ULK2: variants seen among roughly 807,000 people sequenced by gnomAD.
ULK2 encodes the protein serine/threonine-protein kinase ULK2.
Under a neutral mutation model 127.5 loss-of-function variants are expected in ULK2, and 76 were observed. That is an observed-to-expected ratio of 0.60 (90% confidence interval 0.50 to 0.72). The LOEUF (loss-of-function observed/expected upper bound fraction) is 0.72, where lower values mean the gene tolerates loss of function less well. Ranked by LOEUF, ULK2 falls within the 30% of genes least tolerant of loss-of-function variation. The probability of loss-of-function intolerance (pLI) is 0.00; values close to 1 mark genes in which losing one functional copy is unlikely to be tolerated. For synonymous variants in ULK2, 452 were observed against 461.9 expected, an observed-to-expected ratio of 0.98 and a Z score of 0.28; for missense variants, 1,144 against 1,295.9, an observed-to-expected ratio of 0.88 and a Z score of 1.80.
chr17:19,800,940 GT>G, intron 16 of ULK2, among the ~76,000 whole-genome samples: 1 of 152,212 alleles, frequency 6.6e-6, no homozygotes, highest in South Asian at 2.1e-4. Context: ...TACATGGTTT[GT>G]TTTTCCTTTT....
chr17:19,783,887 C>A lies in ULK2; in HGVS notation c.2270G>T (p.Gly757Val). 1.3e-6 allele frequency: 2 copies of A among 1,527,796 alleles called. No homozygotes were observed. The allele number at this position is 1,527,796 out of a possible 1,614,324, so 94.6% of individuals were successfully genotyped here. A position where few individuals can be genotyped will look rare whatever the true frequency, so the allele number is the denominator to read the frequency against. ...RTTSVGPSNS[G>V]GSLCAMSGRV... ...GCCACTCATGGCACAAAGAGAGCCC[C>A]CGGAGTTGCTGGGCCCCACTACAAG... Residue 757 changes from glycine to valine, a missense_variant, in exon 22 of 27, where the codon GGG (glycine) becomes GTG (valine). Transcript: ENST00000395544.
Position 19,776,322 on chromosome 17 carries a change from C to G in ULK2, c.*27G>C. 1 of 1,584,606 alleles carries G rather than the reference C, an allele frequency of 6.3e-7. No individual in the cohort carries two copies. Among genetic ancestry groups the G allele is most frequent in the Non-Finnish European group, 8.6e-7 (1 of 1,166,760 alleles). ...CAAAGGCATCACCTCACGTTCCCACCACCGGTCCACGGGATGAGCCTGCTG... is the reference window on the plus strand; with the variant it reads ...CAAAGGCATCACCTCACGTTCCCACGACCGGTCCACGGGATGAGCCTGCTG... On this transcript the variant is annotated 3_prime_UTR_variant, in exon 27 of 27. Coordinates refer to ENST00000395544, the MANE Select transcript of ULK2 (RefSeq NM_014683.4).
Position 19,771,496 on chromosome 17 carries a change from C to T in ULK2, c.*4853G>A, listed in dbSNP as rs557308255. On this transcript the variant is annotated 3_prime_UTR_variant, in exon 27 of 27. Transcript: ENST00000395544. Reference sequence around the variant, plus strand: ...AGCCCTGAAGACAGGCCTTGCCCCACACAAACACAGAACAAATTGTTCTCC... The same window carrying T: ...AGCCCTGAAGACAGGCCTTGCCCCATACAAACACAGAACAAATTGTTCTCC... 1 of 152,474 alleles carries T rather than the reference C, an allele frequency of 6.6e-6. No homozygotes were observed. Among genetic ancestry groups the T allele is most frequent in the African/African-American group, 2.4e-5 (1 of 41,574 alleles). 9.4% of individuals were successfully genotyped at this position (152,474 alleles called of 1,614,324 possible). A position where few individuals can be genotyped will look rare whatever the true frequency, so the allele number is the denominator to read the frequency against.
At position 19,816,864 on chromosome 17, in the gene ULK2, A is replaced by G. The variant is rs749358322; in HGVS notation, c.981T>C (p.Gly327=). ...TGGAAACTTGTAGATAGTTGGGAGG[A>G]CCCAATGGTGGGGAAGATAAGTTTT... is the stretch of plus-strand genomic sequence containing the variant. ...QEENLSSPPL[G]PPNYLQVSKD... is the part of the protein sequence containing the mutation. The change falls in exon 13 of 27, where the codon GGT becomes GGC. Residue 327 remains glycine (G), a synonymous_variant. Transcript: ENST00000395544. 3.1e-6 allele frequency: 5 copies of G among 1,611,896 alleles called. No homozygotes were observed. Among genetic ancestry groups the G allele is most frequent in the Non-Finnish European group, 4.2e-6 (5 of 1,179,418 alleles).
chr17:19,863,929 GTGA>G (rs2042298219), intron 3 of ULK2, among the ~76,000 whole-genome samples: 1 of 152,062 alleles, frequency 6.6e-6, no homozygotes, highest in Admixed American at 6.6e-5. Flanking sequence ...ATATAACTGG[GTGA>G]TGAACATGCA....
At chr17:19,810,494 C>T in intron 13 of ULK2, 56 bp from the exon 14 acceptor site, 1 of 1,123,420 alleles carries the variant, frequency 8.9e-7, no homozygotes, top group Admixed American at 2.3e-5. Flanking sequence ...TAAAAAAACA[C>T]AAATTTGTTC....
intron 8 of ULK2, among the ~76,000 whole-genome samples, chr17:19,841,919 G>A (rs906428863): frequency 2.6e-5 from 4 of 152,092 alleles, no homozygotes; most frequent in Non-Finnish European, 5.9e-5. Context: ...AGAGGAGCCT[G>A]AAACTTAGAA....
At chr17:19,788,895 C>A (rs1036473016) in intron 20 of ULK2, among the ~76,000 whole-genome samples, 1 of 152,160 alleles carries the variant, frequency 6.6e-6, no homozygotes, top group Non-Finnish European at 1.5e-5. Flanking sequence ...CTTTGTCTTG[C>A]GGTTTGAGTG....
chr17:19,811,792 T>C (rs2087647398), intron 13 of ULK2, among the ~76,000 whole-genome samples: 1 of 152,170 alleles, frequency 6.6e-6, no homozygotes, highest in South Asian at 2.1e-4. Context: ...CCAATGGGAT[T>C]ATCCTAAGGA....
intron 10 of ULK2, among the ~76,000 whole-genome samples, chr17:19,829,241 G>C (rs1258802762): frequency 6.6e-6 from 1 of 152,092 alleles, no homozygotes; most frequent in East Asian, 1.9e-4. Context: ...AAGACAAAAA[G>C]TACGTTAAAT....
In ULK2 at chr17:19,860,527, T is replaced by C. The variant is rs1358638053; in HGVS notation, c.225+4276A>G. On this transcript the variant is annotated intron_variant, in intron 3 of 26. Coordinates refer to ENST00000395544, the MANE Select transcript of ULK2 (RefSeq NM_014683.4). ...TTAAGACATTTGATTAATACCTCTT[T>C]TTTTTTTTTTTTTTGAGACGGAGTT... 4.0e-5 allele frequency among the ~76,000 whole-genome samples: 6 copies of C among 150,704 alleles called. No individual in the cohort carries two copies. In the South Asian group the frequency reaches 1.0e-3, roughly 26 times the overall value.
At chr17:19,827,466 G>A (rs2041322909) in intron 10 of ULK2, among the ~76,000 whole-genome samples, 1 of 152,234 alleles carries the variant, frequency 6.6e-6, no homozygotes, top group Non-Finnish European at 1.5e-5. Context: ...ACAAATCTCT[G>A]TTAGTATTAC....
chr17:19,780,269 G>A (rs1393006588), intron 25 of ULK2, among the ~76,000 whole-genome samples: 3 of 152,026 alleles, frequency 2.0e-5, no homozygotes, highest in Non-Finnish European at 2.9e-5. Flanking sequence ...TGTGGTAAAC[G>A]GATTTGTAAT....
rs772533077 is a variant in ULK2, at chr17:19,846,848, G to C, written c.358C>G (p.Arg120Gly). The change falls in exon 6 of 27, where the codon CGA (arginine) becomes GGA (glycine). Residue 120 changes from arginine to glycine, a missense_variant. Arg to Gly is a moderately radical substitution (Grantham distance 125). Coordinates refer to ENST00000395544, the MANE Select transcript of ULK2 (RefSeq NM_014683.4). ...VFLHQIAAAM[R>G]ILHSKGIIHR... ...ATGATTCCTTTGCTGTGCAGGATTC[G>C]CATGGCAGCAGCAATCTGATGCAGA... 1.2e-6 allele frequency: 2 copies of C among 1,613,838 alleles called. No individual in the cohort carries two copies. Among genetic ancestry groups the C allele is most frequent in the African/African-American group, 1.3e-5 (1 of 75,008 alleles).
At chr17:19,817,603 C>T (rs759065622) in intron 12 of ULK2, among the ~76,000 whole-genome samples, 13 of 152,088 alleles carry the variant, frequency 8.5e-5, no homozygotes, top group Non-Finnish European at 1.3e-4. Context: ...TAACTAGCTA[C>T]GTATCTTTTG....
rs1039412196 is a variant in ULK2, at chr17:19,841,078, GA to G, written c.704+410del. On this transcript the variant is annotated intron_variant, in intron 9 of 26. Coordinates refer to ENST00000395544, the MANE Select transcript of ULK2 (RefSeq NM_014683.4). ...TCATCTCAAGATACAAGTTCGAGAGGAAAAAAAAAGGAAAACAAGCATTCAA... is the reference window on the plus strand; with the variant it reads ...TCATCTCAAGATACAAGTTCGAGAGGAAAAAAAAGGAAAACAAGCATTCAA... Among the ~76,000 whole-genome samples, 29 of 150,090 alleles carry G rather than the reference GA, an allele frequency of 1.9e-4. No homozygotes were observed. In the East Asian group the frequency reaches 2.3e-3, roughly 12 times the overall value.
chr17:19,865,958 A>C lies in ULK2; in HGVS notation c.91-130T>G. 3 of 593,744 alleles carry C rather than the reference A, an allele frequency of 5.1e-6. 1 individual carries two copies. The highest frequency in any genetic ancestry group is 5.4e-4 in the Middle Eastern group (2 of 3,706). The allele number at this position is 593,744 out of a possible 1,614,324, so 36.8% of individuals were successfully genotyped here. A position where few individuals can be genotyped will look rare whatever the true frequency, so the allele number is the denominator to read the frequency against. On this transcript the variant is annotated intron_variant, in intron 1 of 26. Transcript: ENST00000395544. The stretch of plus-strand genomic sequence containing the variant: ...GGGAAAAATGGAATTATTTTCAATA[A>C]TTGGAAAGTGATTTCATAAATTATA...
Position 19,806,333 on chromosome 17 carries a change from T to C in ULK2, c.1158-1503A>G, listed in dbSNP as rs773902082. ...AGTACATCAGGGAATTTTTTTTAAA[T>C]ACACATTATCAAGCTCTAAAATTTT... On this transcript the variant is annotated intron_variant, in intron 14 of 26. Coordinates refer to ENST00000395544, the MANE Select transcript of ULK2 (RefSeq NM_014683.4). Among the ~76,000 whole-genome samples, 45 of 152,208 alleles carry C rather than the reference T, an allele frequency of 3.0e-4. 1 individual carries two copies. Among genetic ancestry groups the C allele is most frequent in the Non-Finnish European group, 7.4e-5 (5 of 68,024 alleles).
chr17:19,794,971 T>C (rs992499845), intron 20 of ULK2, among the ~76,000 whole-genome samples: 10 of 151,852 alleles, frequency 6.6e-5, no homozygotes. Flanking sequence ...CCCAACTACT[T>C]GGGAGGCTGA....
Sources: allele counts gnomAD v4.1 joint callset (sites outside exome capture counted in the v4.1 genomes callset), GRCh38; gene constraint gnomAD v4.1.1; transcripts MANE v1.5; gene names NCBI Gene and HGNC (gene_info 2026-07-23, HGNC 2026-07-21).